The following TAOK2 variants were observed in gnomAD, a reference collection of about 807,000 sequenced individuals.
The protein encoded by TAOK2 is TAO kinase 2, also known as serine/threonine-protein kinase TAO2.
Under a neutral mutation model 122.5 loss-of-function variants are expected in TAOK2, and 42 were observed. The observed-to-expected ratio is 0.34, with a 90% CI of 0.27 to 0.44. TAOK2 has a LOEUF of 0.44. TAOK2 is among the 20% of genes least tolerant of loss of function. The pLI, the probability that TAOK2 is intolerant of heterozygous loss-of-function variation, is 1.00. For missense variants in TAOK2, 1,264 were observed against 1,644.9 expected (o/e 0.77, Z 4.01); for synonymous variants, 704 against 677.6 (o/e 1.04, Z -0.61).
At position 29,988,199 on chromosome 16, in the gene TAOK2, A is replaced by G; in HGVS notation, c.*219A>G. The G allele has an allele frequency of 7.0e-7, 1 of 1,432,246 alleles. No individual in the cohort carries two copies. Among genetic ancestry groups the G allele is most frequent in the South Asian group, 1.5e-5 (1 of 66,510 alleles). The allele number at this position is 1,432,246 out of a possible 1,614,324, so 88.7% of individuals were successfully genotyped here. Reference sequence around the variant, plus strand: ...TCTCCTGGCGCTCCTCCCCTAAGTTATTGCTGTTCGCCCGCTGTGTGTGCT... The same window carrying G: ...TCTCCTGGCGCTCCTCCCCTAAGTTGTTGCTGTTCGCCCGCTGTGTGTGCT... On this transcript the variant is annotated 3_prime_UTR_variant, in exon 16 of 16. Coordinates refer to ENST00000308893, the MANE Select transcript of TAOK2 (RefSeq NM_016151.4).
chr16:29,984,625 T>C (rs566012674), intron 13 of TAOK2, among the ~76,000 whole-genome samples: 1 of 152,126 alleles, frequency 6.6e-6, no homozygotes, highest in African/African-American at 2.4e-5. Flanking sequence ...GAGCCACTCA[T>C]AGAGTCAATT....
chr16:29,989,631 G>A (rs769501718), downstream of TAOK2: 10 of 1,614,050 alleles, frequency 6.2e-6, no homozygotes, highest in African/African-American at 1.3e-5. Context: ...TCCAGGAGAC[G>A]TGTAAGATCC....
At chr16:29,990,778 C>G, downstream of TAOK2, 3 of 1,600,686 alleles carry the variant, frequency 1.9e-6, no homozygotes, top group Non-Finnish European at 2.6e-6. Flanking sequence ...TGTTCATCTT[C>G]CCCAGCTGCG....
In TAOK2 at chr16:29,985,055, T is replaced by C; in HGVS notation, c.1423-158T>C. ...TGTAGATAATATCACCATTATCCAG[T>C]TGAGGAAACAGGCTAGAGTGGCCGT... is the stretch of plus-strand genomic sequence containing the variant. On this transcript the variant is annotated intron_variant, in intron 13 of 15. Transcript: ENST00000308893. This position sits in a 1 kb window ranked among gnomAD's most constrained non-coding sequence, Gnocchi z 6.9. 1 of 926,826 alleles carries C rather than the reference T, an allele frequency of 1.1e-6. No individual in the cohort carries two copies. Among genetic ancestry groups the C allele is most frequent in the Non-Finnish European group, 1.5e-6 (1 of 674,862 alleles). 57.4% of individuals were successfully genotyped at this position (926,826 alleles called of 1,614,324 possible).
chr16:29,985,991 G>GC lies in TAOK2; in HGVS notation c.1992+134dup. 1.6e-6 allele frequency: 2 copies of GC among 1,214,100 alleles called. No homozygotes were observed. Among genetic ancestry groups the GC allele is most frequent in the Non-Finnish European group, 2.3e-6 (2 of 872,414 alleles). The allele number at this position is 1,214,100 out of a possible 1,614,324, so 75.2% of individuals were successfully genotyped here. ...TGTTACAGTTCAGCTTTGCTTCAGT[G>GC]CCCCTTTTACTTCTCATCCCCAACA... On this transcript the variant is annotated intron_variant, in intron 15 of 15. Transcript: ENST00000308893. This position sits in a 1 kb window ranked among gnomAD's most constrained non-coding sequence, Gnocchi z 6.9.
At chr16:29,974,710 C>T (rs1386708260) in intron 1 of TAOK2, 62 bp downstream of exon 1, 1 of 152,526 alleles carries the variant, frequency 6.6e-6, no homozygotes, top group Non-Finnish European at 1.5e-5. Context: ...AAGGGTGCGC[C>T]TTTCTGAGAA....
rs746943780 is a variant in TAOK2, at chr16:29,987,653, G to A, written c.3381G>A (p.Leu1127=). The A allele has an allele frequency of 1.2e-6, 2 of 1,613,696 alleles. No individual in the cohort carries two copies. Among genetic ancestry groups the A allele is most frequent in the Non-Finnish European group, 1.7e-6 (2 of 1,179,734 alleles). ...ACAAGGATGGCTTCCGCAGCCGCCT[G>A]CCCGTCCCTGGGCCCCGGCGGCGTA... The part of the protein sequence containing the change: ...KTNKDGFRSR[L]PVPGPRRRNP... Residue 1127 remains leucine (L), a synonymous_variant, in exon 16 of 16, where the codon CTG becomes CTA. Coordinates refer to ENST00000308893, the MANE Select transcript of TAOK2 (RefSeq NM_016151.4).
rs2069549685 is a variant in TAOK2, at chr16:29,979,363, G to A, written c.564-54G>A. 6.2e-7 allele frequency: 1 copy of A among 1,609,996 alleles called. No homozygotes were observed. Among genetic ancestry groups the A allele is most frequent in the Admixed American group, 1.7e-5 (1 of 59,940 alleles). The stretch of plus-strand genomic sequence containing the variant: ...GACCTCCCAGGGATGTTGGGAGTAG[G>A]AGTGACAGGGTCTCGGCGGGTGATT... On this transcript the variant is annotated intron_variant, in intron 7 of 15. Coordinates refer to ENST00000308893, the MANE Select transcript of TAOK2 (RefSeq NM_016151.4). The surrounding 1 kb of genome is among the most constrained non-coding windows in gnomAD (Gnocchi z 4.1).
Position 29,985,019 on chromosome 16 carries a change from C to A in TAOK2, c.1423-194C>A. On this transcript the variant is annotated intron_variant, in intron 13 of 15. Coordinates refer to ENST00000308893, the MANE Select transcript of TAOK2 (RefSeq NM_016151.4). The surrounding 1 kb of genome is among the most constrained non-coding windows in gnomAD (Gnocchi z 6.9). ...CGCCACCTTTTATCATTCGGCCACA[C>A]CAACTTGTGATGTAGATAATATCAC... is the stretch of plus-strand genomic sequence containing the variant. 3.0e-6 allele frequency: 2 copies of A among 655,888 alleles called. No individual in the cohort carries two copies. The highest frequency in any genetic ancestry group is 3.4e-5 in the Admixed American group (1 of 29,492). 40.6% of individuals were successfully genotyped at this position (655,888 alleles called of 1,614,324 possible). A position where few individuals can be genotyped will look rare whatever the true frequency, so the allele number is the denominator to read the frequency against.
At chr16:29,976,040 A>G (rs1176840005) in intron 1 of TAOK2, among the ~76,000 whole-genome samples, 5 of 152,198 alleles carry the variant, frequency 3.3e-5, no homozygotes, top group African/African-American at 1.2e-4. Flanking sequence ...GTTATGATTT[A>G]GCACAGACCT....
Position 29,979,074 on chromosome 16 carries a change from C to T in TAOK2, c.449+4C>T. 1 of 1,614,150 alleles carries T rather than the reference C, an allele frequency of 6.2e-7. No homozygotes were observed. The highest frequency in any genetic ancestry group is 8.5e-7 in the Non-Finnish European group (1 of 1,180,014). On this transcript the variant is annotated splice_donor_region_variant and intron_variant, in intron 6 of 15. Coordinates refer to ENST00000308893, the MANE Select transcript of TAOK2 (RefSeq NM_016151.4). This position sits in a 1 kb window ranked among gnomAD's most constrained non-coding sequence, Gnocchi z 4.1. ...ACTCCCACAACATGATCCATAGGTA[C>T]AAGCAGCACCGGCAGTGCCTGGGAG...
chr16:29,988,540 C>G, downstream of TAOK2: 2 of 1,156,874 alleles, frequency 1.7e-6, no homozygotes, highest in Non-Finnish European at 2.2e-6. Flanking sequence ...CAGCCTCATG[C>G]TCTCTGCCTT....
At position 29,986,827 on chromosome 16, in the gene TAOK2, C is replaced by A. The variant is rs763911645; in HGVS notation, c.2555C>A (p.Pro852His). 3 of 1,613,896 alleles carry A rather than the reference C, an allele frequency of 1.9e-6. No homozygotes were observed. The highest frequency in any genetic ancestry group is 2.5e-6 in the Non-Finnish European group (3 of 1,179,908). ...GAGGAGATAGAGGAGCTTAGGGTGC[C>A]CTCCCTTGTACCCCAGGAGAGGAGC... ...LPEEIEELRVPSLVPQERSIV... is the reference protein window; with the variant it reads ...LPEEIEELRVHSLVPQERSIV... The change falls in exon 16 of 16, where the codon CCC (proline) becomes CAC (histidine). Residue 852 changes from proline (P) to histidine (H), a missense_variant. This residue lies in a region of TAOK2 where 824 missense variants were observed against 908.7 expected (regional missense o/e 0.91). Coordinates refer to ENST00000308893, the MANE Select transcript of TAOK2 (RefSeq NM_016151.4). The surrounding 1 kb of genome is among the most constrained non-coding windows in gnomAD (Gnocchi z 4.2).
chr16:29,987,146 A>T lies in TAOK2; in HGVS notation c.2874A>T (p.Ala958=). The T allele has an allele frequency of 1.3e-6, 2 of 1,583,892 alleles. No homozygotes were observed. Among genetic ancestry groups the T allele is most frequent in the Non-Finnish European group, 1.7e-6 (2 of 1,168,316 alleles). Residue 958 remains alanine (A), a synonymous_variant, in exon 16 of 16, where the codon GCA becomes GCT. Transcript: ENST00000308893. The part of the protein sequence containing the change: ...SHGLLAGLSF[A]VGSSSGLLPL... The stretch of plus-strand genomic sequence containing the variant: ...GCCTCCTGGCCGGCCTCTCCTTTGC[A>T]GTGGGGTCCTCCTCTGGCCTCCTGC...
downstream of TAOK2, chr16:29,991,605 A>AGGGGT: frequency 6.9e-7 from 1 of 1,439,364 alleles, no homozygotes; most frequent in South Asian, 1.5e-5. The surrounding 1 kb of genome is among the most constrained non-coding windows in gnomAD (Gnocchi z 5.6). Flanking sequence ...TGGGCAGGGC[A>AGGGGT]GGGGTGGGTG....
intron 11 of TAOK2, 56 bp from the exon 12 acceptor site, chr16:29,983,016 T>C (rs1167691446): frequency 2.5e-6 from 4 of 1,609,068 alleles, no homozygotes; most frequent in African/African-American, 1.3e-5. Context: ...GCTACCTCCA[T>C]GCATATGCCC....
In TAOK2 at chr16:29,986,772, C is replaced by A. The variant is rs770390468; in HGVS notation, c.2500C>A (p.Leu834Met). The A allele has an allele frequency of 2.5e-6, 4 of 1,613,652 alleles. No homozygotes were observed. The highest frequency in any genetic ancestry group is 2.5e-6 in the Non-Finnish European group (3 of 1,179,898). The change falls in exon 16 of 16, where the codon CTG becomes ATG. Residue 834 changes from leucine (L) to methionine (M), a missense_variant. By Grantham distance (15) the Leu-to-Met change is conservative. Transcript: ENST00000308893. The surrounding 1 kb of genome is among the most constrained non-coding windows in gnomAD (Gnocchi z 4.2). Reference sequence around the variant, plus strand: ...TCCCAGTCCACAAAAACATGGGAGCCTGGTTGATGAGGAAGTTTGGGGTCT... The same window carrying A: ...TCCCAGTCCACAAAAACATGGGAGCATGGTTGATGAGGAAGTTTGGGGTCT... ...PSPSPQKHGS[L>M]VDEEVWGLPE...
chr16:29,978,720 A>C, intron 4 of TAOK2, 79 bp from the exon 5 acceptor site: 5 of 1,540,296 alleles, frequency 3.2e-6, no homozygotes, highest in Non-Finnish European at 4.5e-6. Flanking sequence ...ACATAGCTTG[A>C]GTACAGGACA....
At chr16:29,991,201 C>T, downstream of TAOK2, 2 of 1,610,530 alleles carry the variant, frequency 1.2e-6, no homozygotes, top group East Asian at 2.2e-5. The surrounding 1 kb of genome is among the most constrained non-coding windows in gnomAD (Gnocchi z 5.6). Flanking sequence ...GCTGAAGCTG[C>T]TGCCCAGGGC....
Sources: allele counts gnomAD v4.1 joint callset (sites outside exome capture counted in the v4.1 genomes callset), GRCh38; gene constraint gnomAD v4.1.1; regional missense constraint gnomAD v4.1.1; non-coding constraint Gnocchi (gnomAD v3.1); transcripts MANE v1.5; gene names NCBI Gene and HGNC (gene_info 2026-07-23, HGNC 2026-07-21).